GPHN: variants seen among roughly 807,000 people sequenced by gnomAD.
GPHN encodes the protein gephyrin.
In GPHN, 17 loss-of-function variants were observed where a neutral mutation model predicts 95.5. The ratio of observed to expected loss-of-function variants is 0.18; its 90% CI spans 0.12 to 0.27. The LOEUF (loss-of-function observed/expected upper bound fraction) is 0.27, where lower values mean the gene tolerates loss of function less well. GPHN is among the 10% of genes least tolerant of loss of function. The pLI is 1.00. For synonymous variants in GPHN, 320 were observed against 322.5 expected, an observed-to-expected ratio of 0.99 and a Z score of 0.08; for missense variants, 660 against 978.1, an observed-to-expected ratio of 0.67 and a Z score of 4.34.
intron 8 of GPHN, among the ~76,000 whole-genome samples, chr14:66,957,125 A>G (rs1194755400): frequency 6.6e-6 from 1 of 151,524 alleles, no homozygotes; most frequent in East Asian, 1.9e-4. Context: ...AATAATAAAA[A>G]AAAAAGAAAA....
the GPHN span, chr14:67,365,102 A>G: frequency 6.7e-6 from 9 of 1,346,880 alleles, no homozygotes; most frequent in African/African-American, 7.4e-5. Flanking sequence ...CAGCTTAAAA[A>G]AAAAAGCTCC....
intron 2 of GPHN, among the ~76,000 whole-genome samples, chr14:66,711,826 TGA>T (rs2069668983): frequency 6.6e-6 from 1 of 151,218 alleles, no homozygotes; most frequent in Non-Finnish European, 1.5e-5. Flanking sequence ...CACCTATCAG[TGA>T]GAACATATGG....
chr14:66,965,351 C>T, intron 9 of GPHN, 26 bp downstream of exon 9: 1 of 1,605,502 alleles, frequency 6.2e-7, no homozygotes, highest in Non-Finnish European at 8.5e-7. Flanking sequence ...TCGCATCTTA[C>T]ACCTGCTCTT....
At chr14:67,129,772 A>AAGAAAGAAAGAG (rs1555498711) in intron 17 of GPHN, among the ~76,000 whole-genome samples, 5 of 149,124 alleles carry the variant, frequency 3.4e-5, no homozygotes, top group African/African-American at 1.0e-4. Context: ...GAAAGAAAGA[A>AAGAAAGAAAGAG]AGAGAGAAAG....
chr14:67,166,365 C>T (rs1358624182), intron 20 of GPHN, among the ~76,000 whole-genome samples: 1 of 152,120 alleles, frequency 6.6e-6, no homozygotes, highest in African/African-American at 2.4e-5. Context: ...CCTGGAAGAG[C>T]CTCTTTTGTC....
At chr14:66,581,295 G>C (rs2061158027) in intron 1 of GPHN, among the ~76,000 whole-genome samples, 1 of 151,134 alleles carries the variant, frequency 6.6e-6, no homozygotes. Flanking sequence ...TGGAATAACA[G>C]TGTAGAGTTA....
At chr14:67,272,252 C>T in the GPHN span, among the ~76,000 whole-genome samples, 4,010 of 152,156 alleles carry the variant, frequency 0.026, 164 homozygotes, top group African/African-American at 0.09. Context: ...TCCTATCTTC[C>T]ACTACTCTCT....
chr14:67,142,245 A>T (rs929026120), intron 17 of GPHN, among the ~76,000 whole-genome samples: 1 of 152,240 alleles, frequency 6.6e-6, no homozygotes. Context: ...TCTGTACTGC[A>T]TCAATTGAAG....
the GPHN span, among the ~76,000 whole-genome samples, chr14:67,264,412 G>C: frequency 6.6e-6 from 1 of 151,882 alleles, no homozygotes; most frequent in Non-Finnish European, 1.5e-5. Context: ...TTTGTTGCCT[G>C]TGCTTTTGGG....
chr14:66,947,112 T>G (rs1475036149), intron 8 of GPHN, among the ~76,000 whole-genome samples: 1 of 152,252 alleles, frequency 6.6e-6, no homozygotes, highest in Non-Finnish European at 1.5e-5. Flanking sequence ...GGCTCCTCCC[T>G]GATTTCTAGG....
At chr14:66,934,816 T>C (rs1324577482) in intron 8 of GPHN, among the ~76,000 whole-genome samples, 1 of 152,186 alleles carries the variant, frequency 6.6e-6, no homozygotes, top group Non-Finnish European at 1.5e-5. Context: ...CTGCTTGACT[T>C]TTTGGTTACA....
chr14:67,496,391 G>GTTTTTTTTTTTTTTTTT, the GPHN span, among the ~76,000 whole-genome samples: 3 of 30,106 alleles, frequency 1.0e-4, 1 homozygote, highest in African/African-American at 2.6e-4. Context: ...CTGCTCCGGC[G>GTTTTTTTTTTTTTTTTT]TTTTTTTTTT....
At chr14:66,726,995 T>C (rs537235454) in intron 2 of GPHN, among the ~76,000 whole-genome samples, 1 of 152,364 alleles carries the variant, frequency 6.6e-6, no homozygotes, top group East Asian at 1.9e-4. Context: ...AAATCTCATC[T>C]TGAATTGTAA....
chr14:67,620,280 G>A, the GPHN span, among the ~76,000 whole-genome samples: 2 of 151,980 alleles, frequency 1.3e-5, no homozygotes, highest in Non-Finnish European at 2.9e-5. Context: ...GAATGGAGAG[G>A]GAGGGAGGGA....
chr14:67,186,691 A>G (rs1401753237), downstream of GPHN, among the ~76,000 whole-genome samples: 2 of 152,230 alleles, frequency 1.3e-5, no homozygotes, highest in Non-Finnish European at 2.9e-5. Flanking sequence ...TGCCCAGGTG[A>G]CACTGACAGA....
the GPHN span, among the ~76,000 whole-genome samples, chr14:67,329,835 AAAATAAATAAAT>A: frequency 1.9e-3 from 181 of 96,948 alleles, no homozygotes; most frequent in Middle Eastern, 9.3e-3. Flanking sequence ...CTTGGTCTCA[AAAATAAATAAAT>A]AAATAAATAA....
At chr14:67,642,833 G>A in the GPHN span, among the ~76,000 whole-genome samples, 1 of 100,948 alleles carries the variant, frequency 9.9e-6, no homozygotes, top group Non-Finnish European at 1.8e-5. Context: ...GATAGGGTCT[G>A]GCTCTGTTGC....
intron 3 of GPHN, among the ~76,000 whole-genome samples, chr14:66,785,274 G>A (rs1037493355): frequency 9.2e-5 from 14 of 152,362 alleles, no homozygotes; most frequent in Non-Finnish European, 1.6e-4. Context: ...GCTGAGGCAG[G>A]AGAATCTCTT....
At chr14:66,658,182 G>A (rs1453188984) in intron 1 of GPHN, among the ~76,000 whole-genome samples, 1 of 152,074 alleles carries the variant, frequency 6.6e-6, no homozygotes, top group African/African-American at 2.4e-5. Context: ...AAGAGAAATA[G>A]AATTAGAAGG....
Sources: allele counts gnomAD v4.1 joint callset (sites outside exome capture counted in the v4.1 genomes callset), GRCh38; gene constraint gnomAD v4.1.1; transcripts MANE v1.5; gene names NCBI Gene and HGNC (gene_info 2026-07-23, HGNC 2026-07-21).